Variants in TMPRSS7 observed in about 807,000 individuals in gnomAD.
The protein encoded by TMPRSS7 is transmembrane serine protease 7, also known as transmembrane protease serine 7.
In TMPRSS7, 81 loss-of-function variants were observed where a neutral mutation model predicts 95.6. The observed-to-expected ratio is 0.85, with a 90% CI of 0.71 to 1.02. The LOEUF (loss-of-function observed/expected upper bound fraction) is 1.02. TMPRSS7 is among the 50% of genes least tolerant of loss of function. The pLI is 0.00. For missense variants in TMPRSS7, 945 were observed against 955.2 expected (o/e 0.99, Z 0.14); for synonymous variants, 364 against 337.8 (o/e 1.08, Z -0.85).
intron 13 of TMPRSS7, among the ~76,000 whole-genome samples, chr3:112,071,797 C>G (rs1164367030): frequency 6.6e-6 from 1 of 152,208 alleles, no homozygotes; most frequent in East Asian, 1.9e-4. Flanking sequence ...TCAGCTCCAT[C>G]AGGTCATTTA....
intron 14 of TMPRSS7, among the ~76,000 whole-genome samples, chr3:112,074,829 GCTA>G (rs1249201768): frequency 2.6e-5 from 4 of 152,162 alleles, no homozygotes; most frequent in African/African-American, 9.7e-5. Context: ...TAGTCATGTG[GCTA>G]CTACTTGGCC....
chr3:112,059,269 A>C (rs2073471681), intron 10 of TMPRSS7, among the ~76,000 whole-genome samples: 1 of 152,180 alleles, frequency 6.6e-6, no homozygotes, highest in South Asian at 2.1e-4. Context: ...TTGCTATTTG[A>C]ACTTTGGCAA....
intron 9 of TMPRSS7, among the ~76,000 whole-genome samples, chr3:112,051,152 G>C (rs2073343158): frequency 6.6e-6 from 1 of 152,106 alleles, no homozygotes; most frequent in South Asian, 2.1e-4. Flanking sequence ...AATACAGTCA[G>C]CCCTCTGTAT....
At chr3:112,080,554 T>C (rs866865350) in intron 17 of TMPRSS7, among the ~76,000 whole-genome samples, 1,236 of 75,972 alleles carry the variant, frequency 0.016, 21 homozygotes, top group African/African-American at 0.046. Context: ...CTACCACCAC[T>C]ACTACTACTA....
At chr3:112,066,428 G>A in exon 13 of TMPRSS7, 1 of 1,613,974 alleles carries the variant, frequency 6.2e-7, no homozygotes, top group East Asian at 2.2e-5. Context: ...AGCTCCTTCA[G>A]GCAGCATGGC....
At position 112,046,832 on chromosome 3, in the gene TMPRSS7, T is replaced by A. The variant is rs527461411; in HGVS notation, c.692-142T>A. The A allele has an allele frequency of 1.7e-5, 11 of 631,818 alleles. 1 individual carries two copies. In the South Asian group the frequency reaches 2.1e-4, roughly 12 times the overall value. The allele number at this position is 631,818 out of a possible 1,614,324, so 39.1% of individuals were successfully genotyped here. On this transcript the variant is annotated intron_variant, in intron 5 of 17. Coordinates refer to ENST00000452346, the Ensembl canonical transcript of TMPRSS7. Reference sequence around the variant, plus strand: ...TCTAAATACCTGAACAACTACCTCATCCTCACTGGATTATTTTAAAGTAAA... The same window carrying A: ...TCTAAATACCTGAACAACTACCTCAACCTCACTGGATTATTTTAAAGTAAA...
intron 2 of TMPRSS7, among the ~76,000 whole-genome samples, chr3:112,041,261 C>T (rs1163840244): frequency 6.6e-6 from 1 of 151,782 alleles, no homozygotes; most frequent in African/African-American, 2.4e-5. Context: ...CGTGCTTCCT[C>T]CTCCCCTCCC....
Position 112,057,210 on chromosome 3 carries a change from G to A in TMPRSS7, c.1310+79G>A. The A allele has an allele frequency of 2.8e-6, 3 of 1,063,706 alleles. No individual in the cohort carries two copies. In the East Asian group the frequency reaches 7.2e-5, roughly 26 times the overall value. 65.9% of individuals were successfully genotyped at this position (1,063,706 alleles called of 1,614,324 possible). On this transcript the variant is annotated intron_variant, in intron 10 of 17. Coordinates refer to ENST00000452346, the Ensembl canonical transcript of TMPRSS7. ...GCTGTGTGTTCCTTGTCCTCAAAGA[G>A]TTTGCGCTTTACCATTTACAGTTAG...
chr3:112,042,932 AG>A lies in TMPRSS7; in HGVS notation c.429+885del, dbSNP rs2073227497. The A allele has an allele frequency of 8.9e-6, 4 of 448,756 alleles. No homozygotes were observed. The Admixed American group carries it at 9.4e-5, about 11-fold the overall frequency. The allele number at this position is 448,756 out of a possible 1,614,324, so 27.8% of individuals were successfully genotyped here. On this transcript the variant is annotated intron_variant, in intron 3 of 17. Coordinates refer to ENST00000452346, the Ensembl canonical transcript of TMPRSS7. ...AATTTGTATTTCCACGGTACTGGAGAGGGTTGTCATAGTGATGAACTTGACA... is the reference window on the plus strand; with the variant it reads ...AATTTGTATTTCCACGGTACTGGAGAGGTTGTCATAGTGATGAACTTGACA...
chr3:112,038,143 GAGACGACTACCATTGCCAGGA>G (rs758482922), exon 2 of TMPRSS7: 8 of 702,582 alleles, frequency 1.1e-5, no homozygotes, highest in Non-Finnish European at 1.6e-5. Flanking sequence ...CGTTGCCAGG[GAGACGACTACCATTGCCAGGA>G]AGACGACCAC....
chr3:112,061,178 G>A (rs2073500186), intron 10 of TMPRSS7, among the ~76,000 whole-genome samples: 1 of 152,188 alleles, frequency 6.6e-6, no homozygotes, highest in Non-Finnish European at 1.5e-5. Flanking sequence ...CTAATGTAGT[G>A]AGAATTATTA....
At chr3:112,050,558 A>G (rs1035960317) in intron 8 of TMPRSS7, 113 bp from the exon 9 acceptor site, 3 of 436,390 alleles carry the variant, frequency 6.9e-6, no homozygotes, top group South Asian at 5.7e-5. Context: ...TAAGAAATGT[A>G]TAAAGCTTGT....
chr3:112,080,615 T>C (rs2073768060), intron 17 of TMPRSS7, among the ~76,000 whole-genome samples: 1 of 151,364 alleles, frequency 6.6e-6, no homozygotes, highest in African/African-American at 2.5e-5. Flanking sequence ...TACTGAGGTT[T>C]ATTCTTTGTT....
rs1482350112 is a variant in TMPRSS7 at position 112,061,701 on chromosome 3, C to G, written c.1311-86C>G. ...ATCTCTGTTTGTGAAAACCAAATGA[C>G]CAAAGTATTAGAGAATTCACCATGA... On this transcript the variant is annotated intron_variant, in intron 10 of 17. Transcript: ENST00000452346. 5 of 1,439,768 alleles carry G rather than the reference C, an allele frequency of 3.5e-6. No homozygotes were observed. In the Admixed American group the frequency reaches 1.1e-4, roughly 30 times the overall value. 89.2% of individuals were successfully genotyped at this position (1,439,768 alleles called of 1,614,324 possible). A position where few individuals can be genotyped will look rare whatever the true frequency, so the allele number is the denominator to read the frequency against.
At position 112,066,560 on chromosome 3, in the gene TMPRSS7, A is replaced by G; in HGVS notation, c.1666+58A>G. 4 of 1,500,078 alleles carry G rather than the reference A, an allele frequency of 2.7e-6. No individual in the cohort carries two copies. In the East Asian group the frequency reaches 9.1e-5, roughly 34 times the overall value. The allele number at this position is 1,500,078 out of a possible 1,614,324, so 92.9% of individuals were successfully genotyped here. A position where few individuals can be genotyped will look rare whatever the true frequency, so the allele number is the denominator to read the frequency against. On this transcript the variant is annotated intron_variant, in intron 13 of 17. Transcript: ENST00000452346. ...TCCTATGAAACTCTTCTAAATCAGG[A>G]CAAAAATACCTCTGATGGGTTAGGG...
chr3:112,072,061 GGT>G (rs1286480708), intron 13 of TMPRSS7, among the ~76,000 whole-genome samples: 1 of 152,178 alleles, frequency 6.6e-6, no homozygotes, highest in African/African-American at 2.4e-5. Flanking sequence ...TTTCTGCTCT[GGT>G]TTCTCCCCAT....
intron 10 of TMPRSS7, among the ~76,000 whole-genome samples, chr3:112,057,833 C>A (rs1318250357): frequency 6.6e-6 from 1 of 152,128 alleles, no homozygotes; most frequent in Non-Finnish European, 1.5e-5. Flanking sequence ...TCAAGCAATT[C>A]TCCTGCCTCA....
At position 112,054,729 on chromosome 3, in the gene TMPRSS7, C is replaced by CTTTTTTTTTTTTTTT. The variant is rs1161735611; in HGVS notation, c.1204-2281_1204-2267dup. ...AACATATTTACTATCTCTCAGTTTG[C>CTTTTTTTTTTTTTTT]TTTTTTTTTTTTTTTTTTTTTTTTT... On this transcript the variant is annotated intron_variant, in intron 9 of 17. Transcript: ENST00000452346. Among the ~76,000 whole-genome samples the CTTTTTTTTTTTTTTT allele has an allele frequency of 1.3e-3, 65 of 49,026 alleles. 26 individuals are homozygous for CTTTTTTTTTTTTTTT. Among genetic ancestry groups the CTTTTTTTTTTTTTTT allele is most frequent in the South Asian group, 2.5e-3 (2 of 786 alleles). The allele number at this position is 49,026 out of a possible 152,430, so 32.2% of individuals were successfully genotyped here. A position where few individuals can be genotyped will look rare whatever the true frequency, so the allele number is the denominator to read the frequency against.
chr3:112,066,573 T>C (rs915163595), intron 13 of TMPRSS7, 71 bp downstream of exon 13: 1 of 1,423,038 alleles, frequency 7.0e-7, no homozygotes, highest in African/African-American at 1.4e-5. Flanking sequence ...AAAATACCTC[T>C]GATGGGTTAG....
Sources: allele counts gnomAD v4.1 joint callset (sites outside exome capture counted in the v4.1 genomes callset), GRCh38; gene constraint gnomAD v4.1.1; transcripts MANE v1.5; gene names NCBI Gene and HGNC (gene_info 2026-07-23, HGNC 2026-07-21).